Variants in RP1 observed in about 807,000 individuals in gnomAD.
RP1 encodes RP1 axonemal microtubule associated, also known as oxygen-regulated protein 1.
RP1 carries 16 observed loss-of-function variants against 14.8 expected under a neutral mutation model. The ratio of observed to expected loss-of-function variants is 1.08; its 90% confidence interval spans 0.73 to 1.65. The LOEUF (loss-of-function observed/expected upper bound fraction) is 1.65, where lower values mean the gene tolerates loss of function less well. Among genes scored for constraint, RP1 ranks in the 40% most tolerant of loss-of-function variants. The probability of loss-of-function intolerance (pLI) is 0.00; values close to 1 mark genes in which losing one functional copy is unlikely to be tolerated. For missense variants in RP1, 2,631 were observed against 2,535.0 expected (o/e 1.04, Z -0.81); for synonymous variants, 876 against 883.6 (o/e 0.99, Z 0.15).
intron 12 of RP1, among the ~76,000 whole-genome samples, chr8:54,685,355 C>T (rs1039033242): frequency 3.3e-5 from 5 of 152,082 alleles, no homozygotes; most frequent in African/African-American, 7.2e-5. Flanking sequence ...TGTGTTGTCT[C>T]TTTGTTCTCA....
chr8:54,681,503 T>C (rs1253504236), intron 12 of RP1, among the ~76,000 whole-genome samples: 1 of 151,852 alleles, frequency 6.6e-6, no homozygotes, highest in East Asian at 1.9e-4. Flanking sequence ...TGTGTGTGTG[T>C]GTGTGTGTGT....
chr8:54,589,288 G>A (rs1804993973), intron 1 of RP1, among the ~76,000 whole-genome samples: 1 of 152,200 alleles, frequency 6.6e-6, no homozygotes, highest in Non-Finnish European at 1.5e-5. Context: ...TTTCATGAAG[G>A]AGGATAATAT....
chr8:54,614,281 T>C (rs1336271325), upstream of RP1, among the ~76,000 whole-genome samples: 2 of 152,180 alleles, frequency 1.3e-5, no homozygotes, highest in Non-Finnish European at 2.9e-5. Context: ...TTAACAGAGC[T>C]CAGATATGAC....
At chr8:54,779,912 T>C (rs142475662) in intron 23 of RP1, among the ~76,000 whole-genome samples, 1 of 152,358 alleles carries the variant, frequency 6.6e-6, no homozygotes, top group African/African-American at 2.4e-5. Context: ...AGTTATCTAT[T>C]GCTGTGTGAA....
chr8:54,628,232 A>C lies in RP1; in HGVS notation c.4350A>C (p.Ser1450=), dbSNP rs1279549223. 6 of 1,614,020 alleles carry C rather than the reference A, an allele frequency of 3.7e-6. No homozygotes were observed. The highest frequency in any genetic ancestry group is 4.2e-6 in the Non-Finnish European group (5 of 1,179,936). Residue 1450 remains serine, a synonymous_variant, in exon 4 of 4, where the codon TCA becomes TCC. Coordinates refer to ENST00000220676, the MANE Select transcript of RP1 (RefSeq NM_006269.2). The part of the protein sequence containing the change: ...EEPRTSEEPG[S]ITNSMTSSER... ...CACGGACTTCTGAAGAACCAGGCTC[A>C]ATAACCAACAGCATGACATCAAGTG...
intron 16 of RP1, among the ~76,000 whole-genome samples, chr8:54,723,580 C>G (rs1212447491): frequency 6.6e-6 from 1 of 152,192 alleles, no homozygotes; most frequent in Admixed American, 6.5e-5. Flanking sequence ...GTGAAAAGAT[C>G]TGACCCCTTG....
At chr8:54,798,661 T>C (rs1810630010) in intron 24 of RP1, among the ~76,000 whole-genome samples, 1 of 152,206 alleles carries the variant, frequency 6.6e-6, no homozygotes, top group Non-Finnish European at 1.5e-5. Context: ...TTAGTGTTCT[T>C]ATTGCATGTT....
chr8:54,725,003 G>A (rs998507056), intron 16 of RP1, among the ~76,000 whole-genome samples: 6 of 152,230 alleles, frequency 3.9e-5, no homozygotes, highest in South Asian at 2.1e-4. Flanking sequence ...CCCTATGCAC[G>A]TTGTGCTTGT....
chr8:54,829,170 A>T (rs1811461012), intron 24 of RP1, among the ~76,000 whole-genome samples: 1 of 151,932 alleles, frequency 6.6e-6, no homozygotes, highest in South Asian at 2.1e-4. Context: ...GCAGTCCATC[A>T]TTGACCCAAA....
In RP1 at chr8:54,621,010, C is replaced by A; in HGVS notation, c.44C>A (p.Thr15Lys). 1 of 1,614,122 alleles carries A rather than the reference C, an allele frequency of 6.2e-7. No individual in the cohort carries two copies. The change falls in exon 2 of 4, where the codon ACG becomes AAG. Residue 15 changes from threonine to lysine, a missense_variant. By Grantham distance (78) the Thr-to-Lys change is moderately conservative. Coordinates refer to ENST00000220676, the MANE Select transcript of RP1 (RefSeq NM_006269.2). Reference sequence around the variant, plus strand: ...ACTGGTTTTTCCATCATTCATCCTACGTCTTCTGAAGGTCAAGTTCCACCC... The same window carrying A: ...ACTGGTTTTTCCATCATTCATCCTAAGTCTTCTGAAGGTCAAGTTCCACCC... Reference protein sequence around the residue: ...PSTGFSIIHPTSSEGQVPPPR... With the variant: ...PSTGFSIIHPKSSEGQVPPPR...
At chr8:54,618,418 T>C (rs1440679981) in intron 1 of RP1, among the ~76,000 whole-genome samples, 3 of 152,162 alleles carry the variant, frequency 2.0e-5, no homozygotes, top group Non-Finnish European at 1.5e-5. Flanking sequence ...TTGGCTCACA[T>C]AGATGTGTTC....
At chr8:54,670,231 C>T (rs1318405539) in intron 7 of RP1, among the ~76,000 whole-genome samples, 1 of 151,278 alleles carries the variant, frequency 6.6e-6, no homozygotes, top group Non-Finnish European at 1.5e-5. Context: ...GATAATGTTC[C>T]GTGTTTTTTG....
intron 27 of RP1, among the ~76,000 whole-genome samples, chr8:54,860,588 C>A (rs1812321318): frequency 6.6e-6 from 1 of 152,170 alleles, no homozygotes; most frequent in Non-Finnish European, 1.5e-5. Context: ...GGTATATGTG[C>A]TTTTCTGTTT....
At chr8:54,868,681 A>C (rs1812513629) in intron 28 of RP1, among the ~76,000 whole-genome samples, 1 of 152,198 alleles carries the variant, frequency 6.6e-6, no homozygotes, top group African/African-American at 2.4e-5. Flanking sequence ...AATTCCCTGC[A>C]CAAGATATCA....
chr8:54,572,932 C>T (rs978501820), intron 1 of RP1, among the ~76,000 whole-genome samples: 1 of 152,126 alleles, frequency 6.6e-6, no homozygotes, highest in Non-Finnish European at 1.5e-5. Context: ...TATTTAAGAA[C>T]CAAATCAGAG....
chr8:54,725,597 T>C (rs1808634945), intron 16 of RP1, among the ~76,000 whole-genome samples: 1 of 152,220 alleles, frequency 6.6e-6, no homozygotes, highest in East Asian at 1.9e-4. Flanking sequence ...TTGACTGCAA[T>C]TGTGGTATTA....
At chr8:54,772,499 G>A (rs978106018), downstream of RP1, among the ~76,000 whole-genome samples, 1 of 152,112 alleles carries the variant, frequency 6.6e-6, no homozygotes, top group African/African-American at 2.4e-5. Flanking sequence ...GGTACAATGT[G>A]GAATAGAAGC....
intron 8 of RP1, among the ~76,000 whole-genome samples, chr8:54,677,825 T>C (rs928390046): frequency 1.3e-5 from 2 of 152,180 alleles, no homozygotes; most frequent in Non-Finnish European, 2.9e-5. Flanking sequence ...TAGAATAGAA[T>C]ATATTTTGAG....
chr8:54,678,518 A>G lies in RP1; in HGVS notation c.1460A>G (p.Tyr487Cys), dbSNP rs1269564973. ...AAGGATCCCACAACAAATTACGAAT[A>G]TGCCTTCTTCTGTCACAGGTTTGTA... Residue 487 changes from tyrosine (Y) to cysteine (C), a missense_variant, in exon 9 of 23, where the codon TAT (tyrosine) becomes TGT (cysteine). Tyr to Cys is a radical substitution (Grantham distance 194). Coordinates refer to the RP1 transcript ENST00000636932. The G allele has an allele frequency of 2.6e-6, 4 of 1,534,142 alleles. No homozygotes were observed. In the Admixed American group the frequency reaches 7.9e-5, roughly 30 times the overall value.
Sources: allele counts gnomAD v4.1 joint callset (sites outside exome capture counted in the v4.1 genomes callset), GRCh38; gene constraint gnomAD v4.1.1; transcripts MANE v1.5; gene names NCBI Gene and HGNC (gene_info 2026-07-23, HGNC 2026-07-21).